The following SUGT1 variants were observed in gnomAD, a reference collection of about 807,000 sequenced individuals.
The protein encoded by SUGT1 is protein SGT1 homolog.
Under a neutral mutation model 56.1 loss-of-function variants are expected in SUGT1, and 15 were observed. That is an observed-to-expected ratio of 0.27 (90% CI 0.18 to 0.41). The LOEUF is 0.41. Ranked by LOEUF, SUGT1 falls within the 10% of genes least tolerant of loss-of-function variation. The probability of loss-of-function intolerance (pLI) is 1.00; values close to 1 mark genes in which losing one functional copy is unlikely to be tolerated. For missense variants in SUGT1, 347 were observed against 382.2 expected (o/e 0.91, Z 0.77); for synonymous variants, 123 against 128.6 (o/e 0.96, Z 0.30).
intron 10 of SUGT1, among the ~76,000 whole-genome samples, chr13:52,675,512 G>C (rs1315726720): frequency 6.6e-6 from 1 of 152,186 alleles, no homozygotes; most frequent in Non-Finnish European, 1.5e-5. Context: ...AGGAGTTCAA[G>C]TCTAGAGTGA....
Position 52,676,297 on chromosome 13 carries a change from C to T in SUGT1, c.695C>T (p.Pro232Leu). 1 of 1,612,614 alleles carries T rather than the reference C, an allele frequency of 6.2e-7. No homozygotes were observed. The highest frequency in any genetic ancestry group is 1.3e-5 in the African/African-American group (1 of 74,958). Reference protein sequence around the residue: ...WEKLEGQGDVPTPKQFVADVK... With the variant: ...WEKLEGQGDVLTPKQFVADVK... The stretch of plus-strand genomic sequence containing the variant: ...AAGCTAGAGGGGCAAGGAGATGTGC[C>T]TACGCCAAAACAATTCGTAGCAGGT... The change falls in exon 11 of 13, where the codon CCT becomes CTT. Residue 232 changes from proline (P) to leucine (L), a missense_variant. Physicochemically the swap from Pro to Leu is moderately conservative, Grantham distance 98 (BLOSUM62 -3). Transcript: ENST00000310528.
chr13:52,683,630 T>C (rs1470955650), intron 12 of SUGT1, among the ~76,000 whole-genome samples: 1 of 152,234 alleles, frequency 6.6e-6, no homozygotes, highest in Non-Finnish European at 1.5e-5. Context: ...CATCCTCTTC[T>C]GTTTTTTAGA....
intron 11 of SUGT1, among the ~76,000 whole-genome samples, chr13:52,679,078 G>A (rs773172802): frequency 5.3e-5 from 8 of 152,160 alleles, no homozygotes; most frequent in Non-Finnish European, 1.0e-4. Flanking sequence ...TTTTAGTAAT[G>A]TAGTTACTAG....
intron 2 of SUGT1, among the ~76,000 whole-genome samples, chr13:52,655,545 C>G (rs562351281): frequency 6.6e-6 from 1 of 152,184 alleles, no homozygotes; most frequent in Admixed American, 6.5e-5. Flanking sequence ...TGAATATTTG[C>G]ATGTAGGGCA....
Position 52,663,110 on chromosome 13 carries a change from G to T in SUGT1, c.397G>T (p.Val133Leu), listed in dbSNP as rs1962540971. The change falls in exon 7 of 13, where the codon GTG (valine) becomes TTG (leucine). Residue 133 changes from valine (V) to leucine (L), a missense_variant and splice_region_variant. Physicochemically the swap from Val to Leu is conservative, Grantham distance 32. Coordinates refer to ENST00000310528, the MANE Select transcript of SUGT1 (RefSeq NM_006704.5). Reference protein sequence around the residue: ...QEAQNGSESEVWTHQSKIKYD... With the variant: ...QEAQNGSESELWTHQSKIKYD... ...TGTTTTAATAGGCTCAGAATCTGAG[G>T]TGGTAAGTCCAAAGTTTTCATTCTT... The T allele has an allele frequency of 1.6e-5, 26 of 1,608,562 alleles. No individual in the cohort carries two copies. Among genetic ancestry groups the T allele is most frequent in the Non-Finnish European group, 2.2e-5 (26 of 1,178,078 alleles).
chr13:52,676,992 T>A (rs557554869), intron 11 of SUGT1, among the ~76,000 whole-genome samples: 1 of 152,324 alleles, frequency 6.6e-6, no homozygotes, highest in East Asian at 1.9e-4. Flanking sequence ...AAGATTATAT[T>A]TTATAGCAAT....
At chr13:52,684,642 A>G (rs369257627) in intron 12 of SUGT1, among the ~76,000 whole-genome samples, 19 of 151,624 alleles carry the variant, frequency 1.3e-4, no homozygotes, top group African/African-American at 4.6e-4. Flanking sequence ...GGGCTCGAGT[A>G]ATCCTCCTGA....
Position 52,693,711 on chromosome 13 carries a change from T to G in SUGT1, c.*5876T>G, listed in dbSNP as rs748391354. On this transcript the variant is annotated 3_prime_UTR_variant, in exon 13 of 13. Coordinates refer to ENST00000310528, the MANE Select transcript of SUGT1 (RefSeq NM_006704.5). ...CCAGAAGGCTCAAAATACTAATGTT[T>G]TGTGTGTGTGTGTGTGTGTGCATGT... is the stretch of plus-strand genomic sequence containing the variant. 2.4e-4 allele frequency: 36 copies of G among 150,434 alleles called. No individual in the cohort carries two copies. Among genetic ancestry groups the G allele is most frequent in the African/African-American group, 4.9e-4 (20 of 41,092 alleles). 9.3% of individuals were successfully genotyped at this position (150,434 alleles called of 1,614,324 possible). A position where few individuals can be genotyped will look rare whatever the true frequency, so the allele number is the denominator to read the frequency against.
At chr13:52,678,585 G>T (rs1291055431) in intron 11 of SUGT1, among the ~76,000 whole-genome samples, 3 of 152,064 alleles carry the variant, frequency 2.0e-5, no homozygotes, top group Non-Finnish European at 4.4e-5. Context: ...AATATGACTA[G>T]TCTGCATTGA....
At chr13:52,661,457 T>G (rs1249784006) in intron 5 of SUGT1, 1 of 283,484 alleles carries the variant, frequency 3.5e-6, no homozygotes, top group Non-Finnish European at 7.0e-6. Context: ...CAAGCCTGGC[T>G]AATTTTTGTA....
intron 5 of SUGT1, 128 bp downstream of exon 5, chr13:52,659,377 T>C: frequency 2.0e-6 from 1 of 509,076 alleles, no homozygotes; most frequent in Non-Finnish European, 3.4e-6. Flanking sequence ...ATCTAAATTA[T>C]ATTTCATATT....
chr13:52,659,806 ATATATATATTTTTTTTTTTTTTTTT>A (rs1962341166), intron 5 of SUGT1, among the ~76,000 whole-genome samples: 1 of 19,694 alleles, frequency 5.1e-5, no homozygotes, highest in African/African-American at 1.4e-4. Context: ...ATATATATAT[ATATATATATTTTTTTTTTTTTTTTT>A]TTTTTTTTTT....
chr13:52,683,527 A>G (rs1325016900), intron 12 of SUGT1, among the ~76,000 whole-genome samples: 1 of 152,160 alleles, frequency 6.6e-6, no homozygotes, highest in African/African-American at 2.4e-5. Context: ...TATTGTGTCT[A>G]TATTCATGAG....
chr13:52,669,526 G>C (rs574057924), intron 10 of SUGT1, among the ~76,000 whole-genome samples: 3 of 152,288 alleles, frequency 2.0e-5, no homozygotes, highest in African/African-American at 7.2e-5. Context: ...AGTTTACCTA[G>C]TTAACTAAAT....
intron 5 of SUGT1, chr13:52,661,587 C>T (rs953102045): frequency 1.7e-5 from 7 of 415,478 alleles, no homozygotes; most frequent in African/African-American, 4.3e-5. Flanking sequence ...GCCACCATGC[C>T]CGGCCAAAAT....
At chr13:52,681,135 G>C (rs193206132) in intron 12 of SUGT1, among the ~76,000 whole-genome samples, 318 of 152,060 alleles carry the variant, frequency 2.1e-3, no homozygotes, top group African/African-American at 5.9e-3. Flanking sequence ...ACCTCAACCA[G>C]CCTCACTATT....
chr13:52,678,676 T>G (rs1963247460), intron 11 of SUGT1, among the ~76,000 whole-genome samples: 1 of 73,504 alleles, frequency 1.4e-5, no homozygotes, highest in Non-Finnish European at 2.4e-5. Flanking sequence ...TCATTTTTTT[T>G]GTTGGTTTTT....
intron 10 of SUGT1, among the ~76,000 whole-genome samples, chr13:52,675,277 ATAT>A (rs1963099119): frequency 6.6e-6 from 1 of 152,324 alleles, no homozygotes; most frequent in South Asian, 2.1e-4. Flanking sequence ...TGTGTCTTTA[ATAT>A]TTTAAAAATC....
At chr13:52,656,710 T>C (rs560093693) in intron 2 of SUGT1, among the ~76,000 whole-genome samples, 6 of 152,290 alleles carry the variant, frequency 3.9e-5, no homozygotes, top group Non-Finnish European at 5.9e-5. Context: ...TTTCTGAGAG[T>C]CACACTACTA....
Sources: gnomAD v4.1 joint callset for allele counts (sites outside exome capture counted in the v4.1 genomes callset) on GRCh38, gnomAD v4.1.1 for gene constraint, MANE v1.5 for transcripts, NCBI Gene and HGNC (gene_info 2026-07-23, HGNC 2026-07-21) for gene names.